The following ADAMTSL1 variants were observed in gnomAD, a reference collection of about 807,000 sequenced individuals.
The protein encoded by ADAMTSL1 is ADAMTS-like protein 1.
A neutral mutation model predicts 201.8 loss-of-function variants in ADAMTSL1; 126 were observed. The observed-to-expected ratio is 0.62, with a 90% CI of 0.54 to 0.72. The LOEUF (loss-of-function observed/expected upper bound fraction) is 0.72. ADAMTSL1 is among the 30% of genes least tolerant of loss of function. ADAMTSL1 has a pLI of 0.00. For missense variants in ADAMTSL1, 2,679 were observed against 2,277.8 expected (o/e 1.18, Z -3.59); for synonymous variants, 1,121 against 903.4 (o/e 1.24, Z -4.32).
intron 14 of ADAMTSL1, among the ~76,000 whole-genome samples, chr9:18,717,489 A>G (rs1256562851): frequency 6.6e-6 from 1 of 152,094 alleles, no homozygotes. Flanking sequence ...GTGACCTTAA[A>G]TTTCTTTAAA....
intron 1 of ADAMTSL1, among the ~76,000 whole-genome samples, chr9:17,919,162 A>T (rs559616041): frequency 4.0e-5 from 6 of 151,836 alleles, no homozygotes; most frequent in Admixed American, 1.3e-4. Flanking sequence ...GTTATCTTTT[A>T]TCACATTAAA....
intron 1 of ADAMTSL1, among the ~76,000 whole-genome samples, chr9:18,059,793 G>A (rs1033170080): frequency 1.1e-4 from 17 of 151,864 alleles, no homozygotes; most frequent in African/African-American, 4.1e-4. Context: ...TTGAAACATG[G>A]CAATTTAGAA....
At chr9:18,833,053 G>A (rs1320192792) in intron 23 of ADAMTSL1, among the ~76,000 whole-genome samples, 1 of 152,160 alleles carries the variant, frequency 6.6e-6, no homozygotes, top group Non-Finnish European at 1.5e-5. Context: ...GGACACCCTG[G>A]TATTGATTTC....
At chr9:18,613,898 T>TTTATGTTAAAA (rs1825543385) in intron 4 of ADAMTSL1, among the ~76,000 whole-genome samples, 1 of 152,098 alleles carries the variant, frequency 6.6e-6, no homozygotes, top group South Asian at 2.1e-4. Flanking sequence ...AGTTAAAAAT[T>TTTATGTTAAAA]AAATATTATG....
At chr9:18,468,324 GTGTTT>G (rs1183143646) in intron 2 of ADAMTSL1, among the ~76,000 whole-genome samples, 1 of 152,096 alleles carries the variant, frequency 6.6e-6, no homozygotes, top group Non-Finnish European at 1.5e-5. Flanking sequence ...GTTTTGTTTT[GTGTTT>G]TGTTTTGTTT....
chr9:18,318,020 T>A (rs59109291), intron 2 of ADAMTSL1, among the ~76,000 whole-genome samples: 4,643 of 152,176 alleles, frequency 0.031, 237 homozygotes, highest in African/African-American at 0.11. Flanking sequence ...TGGATATAAT[T>A]TTAATCTTGC....
intron 2 of ADAMTSL1, among the ~76,000 whole-genome samples, chr9:18,166,923 C>T (rs528008340): frequency 5.9e-5 from 9 of 152,026 alleles, no homozygotes; most frequent in African/African-American, 1.2e-4. Context: ...GACCTATTGG[C>T]GTGAATTAAC....
intron 22 of ADAMTSL1, among the ~76,000 whole-genome samples, chr9:18,828,327 G>C (rs942818020): frequency 6.6e-6 from 1 of 152,080 alleles, no homozygotes; most frequent in Non-Finnish European, 1.5e-5. Context: ...GGCCCAAAAA[G>C]AGCTGATTGT....
At chr9:18,310,436 A>C (rs1834100428) in intron 2 of ADAMTSL1, among the ~76,000 whole-genome samples, 1 of 146,504 alleles carries the variant, frequency 6.8e-6, no homozygotes, top group African/African-American at 2.5e-5. Context: ...ATAGAACGGG[A>C]GAAAAATTTT....
intron 1 of ADAMTSL1, among the ~76,000 whole-genome samples, chr9:18,017,896 C>T (rs948174633): frequency 2.6e-5 from 4 of 152,004 alleles, no homozygotes; most frequent in African/African-American, 9.7e-5. Flanking sequence ...TAGCATTGTA[C>T]CTGTCAGATC....
At chr9:18,668,758 A>T (rs1262522751) in intron 9 of ADAMTSL1, among the ~76,000 whole-genome samples, 4 of 152,200 alleles carry the variant, frequency 2.6e-5, no homozygotes, top group African/African-American at 4.8e-5. Flanking sequence ...TGAGAAACAG[A>T]CTGGTAAAAC....
intron 19 of ADAMTSL1, among the ~76,000 whole-genome samples, chr9:18,784,630 T>C (rs1035987094): frequency 2.8e-4 from 42 of 152,308 alleles, no homozygotes; most frequent in Admixed American, 1.7e-3. Context: ...AAAGCACTGC[T>C]GTAGTGTGTA....
intron 1 of ADAMTSL1, among the ~76,000 whole-genome samples, chr9:17,921,950 A>G (rs1036765377): frequency 6.6e-6 from 1 of 152,256 alleles, no homozygotes; most frequent in African/African-American, 2.4e-5. Flanking sequence ...GAAATATTTT[A>G]TTTTATACAT....
rs113269984 is a variant in ADAMTSL1, at chr9:18,141,170, C to T, written c.88-22692C>T. Among the ~76,000 whole-genome samples, 359 of 152,296 alleles carry T rather than the reference C, an allele frequency of 2.4e-3. 1 individual carries two copies. The highest frequency in any genetic ancestry group is 3.3e-3 in the Non-Finnish European group (224 of 68,034). ...CAGATTCCTGCCCTCACAGGGCTCA[C>T]AGGTGGACACGGTTTACCTTCTCAA... On this transcript the variant is annotated intron_variant, in intron 1 of 29. Coordinates refer to the ADAMTSL1 transcript ENST00000680146.
chr9:18,003,009 G>C lies in ADAMTSL1; in HGVS notation c.87+96087G>C, dbSNP rs190773438. On this transcript the variant is annotated intron_variant, in intron 1 of 29. Coordinates refer to the ADAMTSL1 transcript ENST00000680146. ...AATTGCTCATCATCACATAACCTGT[G>C]AGCTAATATTGACCATGAGCTTCCA... Among the ~76,000 whole-genome samples, 74 of 152,092 alleles carry C rather than the reference G, an allele frequency of 4.9e-4. 1 individual carries two copies. Among genetic ancestry groups the C allele is most frequent in the East Asian group, 2.7e-3 (14 of 5,140 alleles).
intron 1 of ADAMTSL1, among the ~76,000 whole-genome samples, chr9:18,001,257 C>T (rs1378446577): frequency 1.3e-5 from 2 of 151,994 alleles, no homozygotes; most frequent in African/African-American, 2.4e-5. Context: ...AGATTAAATA[C>T]ATTGTACATA....
chr9:18,132,338 G>A (rs1428603011), intron 1 of ADAMTSL1, among the ~76,000 whole-genome samples: 2 of 152,086 alleles, frequency 1.3e-5, no homozygotes, highest in African/African-American at 4.8e-5. Flanking sequence ...GCGTGTGTTT[G>A]AATCAGTGGC....
intron 2 of ADAMTSL1, among the ~76,000 whole-genome samples, chr9:18,368,136 C>T (rs1354797199): frequency 2.0e-5 from 3 of 151,862 alleles, no homozygotes; most frequent in Non-Finnish European, 4.4e-5. Flanking sequence ...AGGATGGTCT[C>T]CATCTCCTGA....
intron 1 of ADAMTSL1, among the ~76,000 whole-genome samples, chr9:17,937,645 C>G (rs373654763): frequency 0.93 from 141,129 of 151,022 alleles, 66,069 homozygotes; most frequent in Non-Finnish European, 0.97. Flanking sequence ...ATTTAAATTC[C>G]TTAAATACTA....
Sources: gnomAD v4.1 joint callset for allele counts (sites outside exome capture counted in the v4.1 genomes callset) on GRCh38, gnomAD v4.1.1 for gene constraint, MANE v1.5 for transcripts, NCBI Gene and HGNC (gene_info 2026-07-23, HGNC 2026-07-21) for gene names.